Variants in GRM7 observed in about 807,000 individuals in gnomAD.
GRM7 encodes glutamate metabotropic receptor 7.
In GRM7, 35 loss-of-function variants were observed where a neutral mutation model predicts 84.5. The observed-to-expected ratio is 0.41, with a 90% CI of 0.32 to 0.55. The LOEUF (loss-of-function observed/expected upper bound fraction) is 0.55. GRM7 is among the 20% of genes least tolerant of loss of function. The pLI is 0.19. For missense variants in GRM7, 1,003 were observed against 1,194.6 expected (o/e 0.84, Z 2.36); for synonymous variants, 487 against 455.1 (o/e 1.07, Z -0.89).
chr3:7,091,228 A>G (rs1160302515), intron 1 of GRM7, among the ~76,000 whole-genome samples: 10 of 152,038 alleles, frequency 6.6e-5, no homozygotes, highest in African/African-American at 2.4e-4. Context: ...AAAAAAAGAA[A>G]AAAGAAAAAT....
At chr3:7,457,057 A>G (rs545748144) in intron 6 of GRM7, among the ~76,000 whole-genome samples, 2 of 152,280 alleles carry the variant, frequency 1.3e-5, no homozygotes, top group Non-Finnish European at 2.9e-5. Flanking sequence ...TCTTTTTCCA[A>G]TCCATTGTGA....
intron 7 of GRM7, among the ~76,000 whole-genome samples, chr3:7,474,715 T>G (rs1203124010): frequency 6.6e-6 from 1 of 152,112 alleles, no homozygotes; most frequent in Non-Finnish European, 1.5e-5. Context: ...TGCTAAAAGA[T>G]GGGTTCACAT....
At chr3:7,608,258 T>C (rs1402125021) in intron 8 of GRM7, among the ~76,000 whole-genome samples, 2 of 152,206 alleles carry the variant, frequency 1.3e-5, no homozygotes, top group East Asian at 1.9e-4. Context: ...AGTAATGAGA[T>C]TGCTGGGTCA....
chr3:6,891,966 G>A (rs891135630), intron 1 of GRM7, among the ~76,000 whole-genome samples: 15 of 151,960 alleles, frequency 9.9e-5, no homozygotes, highest in South Asian at 6.2e-4. Context: ...TTCCCTTCTC[G>A]CTTCATTTCA....
chr3:7,645,762 T>C (rs1331081772), intron 8 of GRM7, among the ~76,000 whole-genome samples: 1 of 152,000 alleles, frequency 6.6e-6, no homozygotes. Flanking sequence ...TGTGGACCTG[T>C]TTACGACTGA....
chr3:7,646,227 T>A (rs145002475), intron 8 of GRM7, among the ~76,000 whole-genome samples: 69 of 152,310 alleles, frequency 4.5e-4, no homozygotes, highest in Middle Eastern at 3.4e-3. Flanking sequence ...AGTCTCACTC[T>A]GTTGCCCAGG....
chr3:7,174,119 G>T (rs141292670), intron 2 of GRM7, among the ~76,000 whole-genome samples: 19 of 152,264 alleles, frequency 1.2e-4, no homozygotes, highest in African/African-American at 4.6e-4. Context: ...ATAAGACTAG[G>T]GGTGGGAGTA....
intron 7 of GRM7, among the ~76,000 whole-genome samples, chr3:7,471,386 G>A (rs1294783246): frequency 2.0e-5 from 3 of 151,972 alleles, no homozygotes; most frequent in East Asian, 1.9e-4. Context: ...GCTCATTCAC[G>A]TTGCTGGAAA....
At position 7,586,533 on chromosome 3, in the gene GRM7, C is replaced by T. The variant is rs76752653; in HGVS notation, c.2451+7176C>T. Among the ~76,000 whole-genome samples, 332 of 152,218 alleles carry T rather than the reference C, an allele frequency of 2.2e-3. 1 individual carries two copies. Among genetic ancestry groups the T allele is most frequent in the African/African-American group, 4.6e-3 (191 of 41,516 alleles). ...GTAAAAAGCAATGGACCAGGCTGGG[C>T]GCAGTGGCTCACGCCTGTAATTCCA... On this transcript the variant is annotated intron_variant, in intron 8 of 9. Transcript: ENST00000357716.
intron 7 of GRM7, among the ~76,000 whole-genome samples, chr3:7,554,482 A>G (rs1372863378): frequency 2.0e-5 from 3 of 152,236 alleles, no homozygotes; most frequent in Non-Finnish European, 4.4e-5. Flanking sequence ...CGAATGAGTA[A>G]TGTACAATAA....
chr3:6,863,100 C>T lies in GRM7; in HGVS notation c.519+1193C>T. 2.6e-6 allele frequency: 1 copy of T among 382,720 alleles called. No individual in the cohort carries two copies. The highest frequency in any genetic ancestry group is 5.1e-6 in the Non-Finnish European group (1 of 194,284). The allele number at this position is 382,720 out of a possible 1,614,324, so 23.7% of individuals were successfully genotyped here. A position where few individuals can be genotyped will look rare whatever the true frequency, so the allele number is the denominator to read the frequency against. Reference sequence around the variant, plus strand: ...TCTTTCCCTATATGTGCATCACTCTCTCTTTCTGTCTCTGTCTCCTTGCTG... The same window carrying T: ...TCTTTCCCTATATGTGCATCACTCTTTCTTTCTGTCTCTGTCTCCTTGCTG... On this transcript the variant is annotated intron_variant, in intron 1 of 9. Coordinates refer to ENST00000357716, the MANE Select transcript of GRM7 (RefSeq NM_000844.4). The surrounding 1 kb of genome is among the most constrained non-coding windows in gnomAD (Gnocchi z 4.8).
chr3:7,099,417 T>G (rs1376138513), intron 1 of GRM7, among the ~76,000 whole-genome samples: 6 of 148,852 alleles, frequency 4.0e-5, no homozygotes, highest in Non-Finnish European at 8.9e-5. Flanking sequence ...ATACATATTA[T>G]GCATGTATAT....
intron 4 of GRM7, among the ~76,000 whole-genome samples, chr3:7,342,203 T>C (rs6810141): frequency 0.66 from 100,084 of 151,908 alleles, 33,979 homozygotes; most frequent in African/African-American, 0.83. Flanking sequence ...ATGATATTTT[T>C]TCTGACTCCA....
At chr3:7,177,197 T>A (rs2125093560) in intron 2 of GRM7, among the ~76,000 whole-genome samples, 1 of 152,296 alleles carries the variant, frequency 6.6e-6, no homozygotes, top group African/African-American at 2.4e-5. Flanking sequence ...TAAAATAGGC[T>A]CCAAAATGCA....
intron 2 of GRM7, among the ~76,000 whole-genome samples, chr3:7,230,416 A>G (rs1484183587): frequency 2.6e-5 from 4 of 152,132 alleles, no homozygotes; most frequent in African/African-American, 9.7e-5. Context: ...TCAATAGCAG[A>G]TTGCTATTGA....
chr3:7,412,506 T>A (rs1223337447), intron 4 of GRM7, among the ~76,000 whole-genome samples: 1 of 152,140 alleles, frequency 6.6e-6, no homozygotes, highest in Non-Finnish European at 1.5e-5. Context: ...GATAATAATG[T>A]TTCTCTTGTT....
intron 1 of GRM7, among the ~76,000 whole-genome samples, chr3:7,125,095 A>G (rs771082588): frequency 5.3e-5 from 8 of 152,056 alleles, no homozygotes; most frequent in Non-Finnish European, 1.2e-4. Flanking sequence ...ACCCACCACC[A>G]TGCCCACCTA....
intron 2 of GRM7, among the ~76,000 whole-genome samples, chr3:7,277,140 C>A (rs576038423): frequency 1.3e-4 from 20 of 151,986 alleles, no homozygotes; most frequent in Non-Finnish European, 2.5e-4. Context: ...CATCTCTGAT[C>A]TACTTTGCCC....
intron 4 of GRM7, 66 bp from the exon 5 acceptor site, chr3:7,414,957 A>ATTTTTT: frequency 7.4e-7 from 1 of 1,343,476 alleles, no homozygotes; most frequent in Non-Finnish European, 1.0e-6. Context: ...AGTCACTTTT[A>ATTTTTT]TTTTTATTTC....
Sources: gnomAD v4.1 joint callset for allele counts (sites outside exome capture counted in the v4.1 genomes callset) on GRCh38, gnomAD v4.1.1 for gene constraint, Gnocchi (gnomAD v3.1) non-coding constraint, MANE v1.5 for transcripts, NCBI Gene and HGNC (gene_info 2026-07-23, HGNC 2026-07-21) for gene names.